Variants in NPAS2 observed in about 807,000 individuals in gnomAD.
NPAS2 encodes the protein neuronal PAS domain-containing protein 2.
A neutral mutation model predicts 107.5 loss-of-function variants in NPAS2; 23 were observed. The ratio of observed to expected loss-of-function variants is 0.21; its 90% CI spans 0.15 to 0.30. NPAS2 has a LOEUF of 0.30. Ranked by LOEUF, NPAS2 falls within the 10% of genes least tolerant of loss-of-function variation. NPAS2 has a pLI of 1.00. For synonymous variants in NPAS2, 403 were observed against 417.5 expected, an observed-to-expected ratio of 0.97 and a Z score of 0.42; for missense variants, 756 against 1,043.3, an observed-to-expected ratio of 0.72 and a Z score of 3.79.
At chr2:100,988,009 T>G in intron 16 of NPAS2, 70 bp from the exon 17 acceptor site, 4 of 1,519,472 alleles carry the variant, frequency 2.6e-6, no homozygotes, top group Non-Finnish European at 3.6e-6. Flanking sequence ...GCACAGGGAA[T>G]GCAAAGGAGG....
At chr2:100,898,828 T>C (rs1681591670) in intron 1 of NPAS2, among the ~76,000 whole-genome samples, 3 of 151,650 alleles carry the variant, frequency 2.0e-5, no homozygotes. Context: ...GGAAAACACA[T>C]TGTGCATATT....
intron 1 of NPAS2, chr2:100,821,026 G>A: frequency 7.7e-7 from 1 of 1,302,688 alleles, no homozygotes; most frequent in Non-Finnish European, 1.0e-6. Flanking sequence ...CCCCAGGTTG[G>A]ATGTATGCGT....
At chr2:100,956,754 T>C (rs906203824) in intron 7 of NPAS2, among the ~76,000 whole-genome samples, 17 of 152,172 alleles carry the variant, frequency 1.1e-4, no homozygotes, top group African/African-American at 3.9e-4. Flanking sequence ...GGGCTCTGTG[T>C]GAGCCTTGAA....
Position 100,988,241 on chromosome 2 carries a change from C to T in NPAS2, c.1792C>T (p.His598Tyr). ...CTCCTCTGCCCAGGTCACAAGCCAGCACCTGCTCAGAGAATCAAGTGTGAT... is the reference window on the plus strand; with the variant it reads ...CTCCTCTGCCCAGGTCACAAGCCAGTACCTGCTCAGAGAATCAAGTGTGAT... ...QISSAQVTSQ[H>Y]LLRESSVIST... is the part of the protein sequence containing the mutation. The change falls in exon 17 of 21, where the codon CAC becomes TAC. Residue 598 changes from histidine to tyrosine, a missense_variant. His to Tyr is a moderately conservative substitution (Grantham distance 83). This residue lies in a region of NPAS2 where 496 missense variants were observed against 594.4 expected (regional missense o/e 0.83). Transcript: ENST00000335681. The T allele has an allele frequency of 6.2e-7, 1 of 1,614,026 alleles. No individual in the cohort carries two copies. The highest frequency in any genetic ancestry group is 8.5e-7 in the Non-Finnish European group (1 of 1,180,030).
intron 12 of NPAS2, 58 bp downstream of exon 12, chr2:100,971,132 C>A: frequency 6.7e-7 from 1 of 1,493,928 alleles, no homozygotes; most frequent in Non-Finnish European, 9.3e-7. Context: ...AAAATGCAGC[C>A]AACCAGTCTC....
At chr2:100,985,136 T>C (rs941936371) in intron 16 of NPAS2, 5 of 152,232 alleles carry the variant, frequency 3.3e-5, no homozygotes, top group African/African-American at 1.2e-4. Flanking sequence ...TATCCATCCT[T>C]CCTTCCATCC....
At chr2:100,953,403 C>T (rs1457053831) in intron 7 of NPAS2, among the ~76,000 whole-genome samples, 2 of 150,002 alleles carry the variant, frequency 1.3e-5, no homozygotes, top group Non-Finnish European at 3.0e-5. Context: ...AAAAAAACAC[C>T]CTATAAAATT....
intron 1 of NPAS2, among the ~76,000 whole-genome samples, chr2:100,828,028 C>CCAGTCAA (rs1478807733): frequency 2.0e-5 from 3 of 152,172 alleles, no homozygotes; most frequent in African/African-American, 7.2e-5. Flanking sequence ...AATTTACATT[C>CCAGTCAA]CAGTCAACAG....
chr2:100,896,315 C>T (rs559786470), intron 1 of NPAS2, among the ~76,000 whole-genome samples: 1 of 152,162 alleles, frequency 6.6e-6, no homozygotes, highest in Non-Finnish European at 1.5e-5. Flanking sequence ...AGTCGGAAAC[C>T]CCCTATTCTG....
chr2:100,878,427 A>G (rs1680121882), intron 1 of NPAS2: 3 of 985,346 alleles, frequency 3.0e-6, no homozygotes, highest in Admixed American at 6.1e-5. Flanking sequence ...GCGTTGGACA[A>G]GGACATGAGA....
At chr2:100,830,114 A>G (rs1402402789) in intron 1 of NPAS2, among the ~76,000 whole-genome samples, 2 of 152,232 alleles carry the variant, frequency 1.3e-5, no homozygotes, top group African/African-American at 4.8e-5. Flanking sequence ...TGTTGCATGC[A>G]TTGAGGCATC....
rs117451132 is a variant in NPAS2 at position 100,905,456 on chromosome 2, G to A, written c.32+670G>A. Among the ~76,000 whole-genome samples, 158 of 151,788 alleles carry A rather than the reference G, an allele frequency of 1.0e-3. 1 individual carries two copies. In the East Asian group the frequency reaches 0.029, roughly 27 times the overall value. ...TGGAATCATAACAGTGACATTGAGA[G>A]GGTCAGGAACAGTTGAATGTCATCA... On this transcript the variant is annotated intron_variant, in intron 2 of 20. Coordinates refer to ENST00000335681, the MANE Select transcript of NPAS2 (RefSeq NM_002518.4).
At chr2:100,984,009 A>C (rs1413645959) in intron 16 of NPAS2, 1 of 152,236 alleles carries the variant, frequency 6.6e-6, no homozygotes, top group Non-Finnish European at 1.5e-5. Flanking sequence ...CAGCAAGGTT[A>C]TCGCTTTCAC....
chr2:100,961,001 A>C (rs1377249275), intron 7 of NPAS2, among the ~76,000 whole-genome samples: 1 of 152,184 alleles, frequency 6.6e-6, no homozygotes, highest in African/African-American at 2.4e-5. Flanking sequence ...CTAGGAGGGA[A>C]AATGTAGCAA....
chr2:100,889,428 C>T (rs190508789), intron 1 of NPAS2, among the ~76,000 whole-genome samples: 3 of 152,362 alleles, frequency 2.0e-5, no homozygotes, highest in Admixed American at 2.0e-4. Flanking sequence ...GAGACATGCC[C>T]TTTGCCGTGT....
At chr2:100,978,219 T>C (rs1359610248) in intron 15 of NPAS2, among the ~76,000 whole-genome samples, 2 of 152,170 alleles carry the variant, frequency 1.3e-5, no homozygotes, top group African/African-American at 2.4e-5. Flanking sequence ...TGTGACCTCA[T>C]AGTTTAGCTC....
In NPAS2 at chr2:100,990,417, C is replaced by G. The variant is rs373640373; in HGVS notation, c.1989C>G (p.Ser663Arg). 1.1e-4 allele frequency: 184 copies of G among 1,614,078 alleles called. No homozygotes were observed. Among genetic ancestry groups the G allele is most frequent in the Non-Finnish European group, 1.3e-4 (154 of 1,180,030 alleles). Reference sequence around the variant, plus strand: ...AGGATGCCAGCCAGTGCCAGCCCAGCCCAGACTTCAGCCATGATCGGCAGC... The same window carrying G: ...AGGATGCCAGCCAGTGCCAGCCCAGGCCAGACTTCAGCCATGATCGGCAGC... ...TSQDASQCQP[S>R]PDFSHDRQLR... The change falls in exon 18 of 21, where the codon AGC (serine) becomes AGG (arginine). Residue 663 changes from serine (S) to arginine (R), a missense_variant. Coordinates refer to ENST00000335681, the MANE Select transcript of NPAS2 (RefSeq NM_002518.4).
At chr2:100,848,169 T>C (rs72816926) in intron 1 of NPAS2, among the ~76,000 whole-genome samples, 21,635 of 152,088 alleles carry the variant, frequency 0.14, 1,855 homozygotes, top group South Asian at 0.23. Context: ...CCTGGGAGAT[T>C]CGACTGGACT....
intron 5 of NPAS2, among the ~76,000 whole-genome samples, chr2:100,944,948 GA>G (rs2105023021): frequency 6.6e-6 from 1 of 152,310 alleles, no homozygotes; most frequent in Non-Finnish European, 1.5e-5. Context: ...AGCCCTCCAA[GA>G]AGAGGCCATG....
Sources: gnomAD v4.1 joint callset for allele counts (sites outside exome capture counted in the v4.1 genomes callset) on GRCh38, gnomAD v4.1.1 for gene constraint, gnomAD v4.1.1 regional missense constraint, MANE v1.5 for transcripts, NCBI Gene and HGNC (gene_info 2026-07-23, HGNC 2026-07-21) for gene names.